The following NAALADL2 variants were observed in gnomAD, a reference collection of about 807,000 sequenced individuals.
The protein encoded by NAALADL2 is N-acetylated alpha-linked acidic dipeptidase like 2.
Under a neutral mutation model 87.2 loss-of-function variants are expected in NAALADL2, and 76 were observed. The observed-to-expected ratio is 0.87, with a 90% CI of 0.72 to 1.05. NAALADL2 has a LOEUF of 1.05. Ranked by LOEUF, NAALADL2 falls within the 50% of genes least tolerant of loss-of-function variation. The pLI is 0.00. For missense variants in NAALADL2, 1,089 were observed against 945.8 expected, an observed-to-expected ratio of 1.15 and a Z score of -1.99; for synonymous variants, 354 against 331.0, an observed-to-expected ratio of 1.07 and a Z score of -0.75.
chr3:175,296,001 A>G (rs1756317062), intron 4 of NAALADL2, among the ~76,000 whole-genome samples: 1 of 66,468 alleles, frequency 1.5e-5, no homozygotes, highest in East Asian at 3.8e-4. Flanking sequence ...TGGCCAAAAA[A>G]GTCAGCCAAG....
intron 9 of NAALADL2, among the ~76,000 whole-genome samples, chr3:175,536,195 C>T (rs1287841748): frequency 1.3e-5 from 2 of 152,050 alleles, no homozygotes; most frequent in African/African-American, 4.8e-5. Context: ...TAAATAGCTG[C>T]GTATTTGGCA....
chr3:175,115,450 T>A (rs1724956103), intron 2 of NAALADL2, among the ~76,000 whole-genome samples: 1 of 151,456 alleles, frequency 6.6e-6, no homozygotes, highest in South Asian at 2.1e-4. Context: ...ACTAATAAAA[T>A]ACTTTCACAA....
intron 2 of NAALADL2, among the ~76,000 whole-genome samples, chr3:175,171,600 GCTA>G: frequency 6.6e-6 from 1 of 151,980 alleles, no homozygotes; most frequent in East Asian, 1.9e-4. Flanking sequence ...CCTCTGTCTA[GCTA>G]CTGTGTTGCA....
chr3:175,331,361 A>G (rs1208999226), intron 5 of NAALADL2, among the ~76,000 whole-genome samples: 1 of 152,230 alleles, frequency 6.6e-6, no homozygotes, highest in African/African-American at 2.4e-5. Flanking sequence ...AATAAACTAC[A>G]GATCAATATC....
At chr3:175,798,370 G>A (rs1325130325) in intron 13 of NAALADL2, among the ~76,000 whole-genome samples, 3 of 151,948 alleles carry the variant, frequency 2.0e-5, no homozygotes, top group Non-Finnish European at 2.9e-5. Context: ...GCTTTATGCT[G>A]ATTTGTATCC....
intron 2 of NAALADL2, among the ~76,000 whole-genome samples, chr3:174,655,313 T>G (rs1021995179): frequency 5.9e-5 from 9 of 151,542 alleles, no homozygotes; most frequent in African/African-American, 2.2e-4. Flanking sequence ...AACCTCAATA[T>G]GTATCCTCTC....
chr3:174,544,668 T>A (rs548509431), intron 1 of NAALADL2, among the ~76,000 whole-genome samples: 74 of 150,960 alleles, frequency 4.9e-4, no homozygotes, highest in African/African-American at 1.7e-3. Flanking sequence ...TCTCCAGGGT[T>A]CCAGCGATTC....
chr3:175,558,622 G>A (rs1205517770), intron 9 of NAALADL2, among the ~76,000 whole-genome samples: 3 of 152,134 alleles, frequency 2.0e-5, no homozygotes, highest in Non-Finnish European at 1.5e-5. Context: ...AAGGGGTCTA[G>A]TTTCATTCTT....
intron 11 of NAALADL2, among the ~76,000 whole-genome samples, chr3:175,648,919 G>A (rs1163274342): frequency 1.3e-5 from 2 of 152,122 alleles, no homozygotes; most frequent in Non-Finnish European, 2.9e-5. Context: ...TTGTAGACTA[G>A]TTACAAGTAT....
chr3:174,684,931 G>A (rs1034788505), intron 2 of NAALADL2, among the ~76,000 whole-genome samples: 20 of 152,180 alleles, frequency 1.3e-4, no homozygotes, highest in African/African-American at 3.9e-4. Context: ...TGATAAAGTA[G>A]ATTTTCTGCC....
At chr3:174,669,120 T>C (rs1726268663) in intron 2 of NAALADL2, among the ~76,000 whole-genome samples, 1 of 152,194 alleles carries the variant, frequency 6.6e-6, no homozygotes, top group Admixed American at 6.5e-5. Context: ...TTCTAACTGA[T>C]GTGAGATGGT....
chr3:175,323,232 G>A (rs36171508), intron 4 of NAALADL2, among the ~76,000 whole-genome samples: 30 of 147,082 alleles, frequency 2.0e-4, no homozygotes, highest in Middle Eastern at 3.5e-3. Flanking sequence ...GTAAACTATC[G>A]CAAGAACAAA....
chr3:175,559,514 T>C (rs1359086842), intron 9 of NAALADL2, among the ~76,000 whole-genome samples: 1 of 152,184 alleles, frequency 6.6e-6, no homozygotes, highest in African/African-American at 2.4e-5. Context: ...TCTTGTCTTT[T>C]TCCACATCTC....
At chr3:174,623,283 A>T (rs1452774373) in intron 2 of NAALADL2, among the ~76,000 whole-genome samples, 1 of 152,176 alleles carries the variant, frequency 6.6e-6, no homozygotes, top group Non-Finnish European at 1.5e-5. Context: ...GGGGCTACAA[A>T]ATTATTACAT....
chr3:175,097,585 C>T (rs1721378467), intron 2 of NAALADL2, among the ~76,000 whole-genome samples: 1 of 151,898 alleles, frequency 6.6e-6, no homozygotes, highest in East Asian at 1.9e-4. Context: ...CTTGTTAGGC[C>T]AAATTGGGAT....
chr3:175,671,984 C>T (rs1377288103), intron 11 of NAALADL2, among the ~76,000 whole-genome samples: 3 of 152,008 alleles, frequency 2.0e-5, no homozygotes, highest in East Asian at 1.9e-4. Context: ...AAGGCAATAT[C>T]GAACAGTGCT....
At chr3:174,713,206 A>T (rs529687662) in intron 2 of NAALADL2, among the ~76,000 whole-genome samples, 152 of 152,294 alleles carry the variant, frequency 1.0e-3, no homozygotes, top group East Asian at 1.2e-3. Context: ...TCTATCATTG[A>T]CGGACATTTG....
In NAALADL2 at chr3:175,230,579, C is replaced by T. The variant is rs977772776; in HGVS notation, c.546-3352C>T. On this transcript the variant is annotated intron_variant, in intron 2 of 13. Coordinates refer to ENST00000454872, the MANE Select transcript of NAALADL2 (RefSeq NM_207015.3). ...CCACAATGGGATATAATTTTACCCT[C>T]ATTGTAGAGCGGAAATTAGATACAG... is the stretch of plus-strand genomic sequence containing the variant. Among the ~76,000 whole-genome samples the T allele has an allele frequency of 2.0e-5, 3 of 151,918 alleles. No individual in the cohort carries two copies. The South Asian group carries it at 6.2e-4, about 32-fold the overall frequency.
intron 5 of NAALADL2, among the ~76,000 whole-genome samples, chr3:175,325,706 A>T (rs1397339614): frequency 6.6e-6 from 1 of 152,220 alleles, no homozygotes. Flanking sequence ...TTTCATAAAT[A>T]CAGAATTCAG....
Sources: allele counts gnomAD v4.1 joint callset (sites outside exome capture counted in the v4.1 genomes callset), GRCh38; gene constraint gnomAD v4.1.1; transcripts MANE v1.5; gene names NCBI Gene and HGNC (gene_info 2026-07-23, HGNC 2026-07-21).